Variants in FBLN2 observed in about 807,000 individuals in gnomAD.
FBLN2 encodes fibulin-2.
A neutral mutation model predicts 123.7 loss-of-function variants in FBLN2; 81 were observed. The ratio of observed to expected loss-of-function variants is 0.65; its 90% CI spans 0.55 to 0.79. FBLN2 has a LOEUF of 0.79. Ranked by LOEUF, FBLN2 falls within the 30% of genes least tolerant of loss-of-function variation. The probability of loss-of-function intolerance (pLI) is 0.00; values close to 1 mark genes in which losing one functional copy is unlikely to be tolerated. For synonymous variants in FBLN2, 699 were observed against 701.4 expected (o/e 1.00, Z 0.05); for missense variants, 1,603 against 1,681.3 (o/e 0.95, Z 0.81).
Position 13,580,645 on chromosome 3 carries a change from G to A in FBLN2, c.1306+8984G>A, listed in dbSNP as rs537943994. On this transcript the variant is annotated intron_variant, in intron 2 of 17. Coordinates refer to ENST00000404922, the MANE Select transcript of FBLN2 (RefSeq NM_001004019.2). ...GCGTAGCTCTCCACCCACCTCGTCTGATGGTTCCCCAGTGAGTCTCACTGG... is the reference window on the plus strand; with the variant it reads ...GCGTAGCTCTCCACCCACCTCGTCTAATGGTTCCCCAGTGAGTCTCACTGG... Among the ~76,000 whole-genome samples the A allele has an allele frequency of 3.9e-5, 6 of 152,274 alleles. No homozygotes were observed. In the South Asian group the frequency reaches 1.0e-3, roughly 26 times the overall value.
At chr3:13,602,918 T>C (rs1216549585) in intron 2 of FBLN2, among the ~76,000 whole-genome samples, 2 of 151,560 alleles carry the variant, frequency 1.3e-5, no homozygotes, top group African/African-American at 2.4e-5. Context: ...TTCTTTCTTT[T>C]TTTTTTTCCC....
At chr3:13,576,899 A>G (rs891615483) in intron 2 of FBLN2, among the ~76,000 whole-genome samples, 19 of 152,208 alleles carry the variant, frequency 1.2e-4, no homozygotes, top group African/African-American at 4.6e-4. Context: ...CATGGGAATT[A>G]TCTGCTGTAA....
In FBLN2 at chr3:13,630,817, T is replaced by C; in HGVS notation, c.3085+2T>C. The C allele has an allele frequency of 6.3e-7, 1 of 1,591,648 alleles. No homozygotes were observed. The highest frequency in any genetic ancestry group is 2.3e-5 in the East Asian group (1 of 43,880). ...CTGAGGATGGGCACACCTGCACAGG[T>C]ACCTCTCCCCTGTCCAAGGGCCCCC... On this transcript the variant is annotated splice_donor_variant, in intron 15 of 17. Coordinates refer to ENST00000404922, the MANE Select transcript of FBLN2 (RefSeq NM_001004019.2). LOFTEE classifies it high-confidence loss of function.
In FBLN2 at chr3:13,633,954, AACACACACACACAC is replaced by A. The variant is rs56947028; in HGVS notation, c.3215-2463_3215-2450del. ...CCTTAGCAGATATAAACACACTGCA[AACACACACACACAC>A]ACACACACACACACACACACACACA... On this transcript the variant is annotated intron_variant, in intron 16 of 17. Transcript: ENST00000404922. Among the ~76,000 whole-genome samples the A allele has an allele frequency of 2.2e-3, 246 of 112,902 alleles. 5 individuals carry two copies. Among genetic ancestry groups the A allele is most frequent in the African/African-American group, 8.1e-3 (231 of 28,556 alleles). 74.1% of individuals were successfully genotyped at this position (112,902 alleles called of 152,430 possible). A position where few individuals can be genotyped will look rare whatever the true frequency, so the allele number is the denominator to read the frequency against.
Position 13,618,268 on chromosome 3 carries a change from G to T in FBLN2, c.1922G>T (p.Gly641Val). 2 of 1,613,858 alleles carry T rather than the reference G, an allele frequency of 1.2e-6. No homozygotes were observed. The highest frequency in any genetic ancestry group is 1.7e-6 in the Non-Finnish European group (2 of 1,179,902). ...CFPGFSLQDD[G>V]RTCRPEGHPP... ...CCTGGCTTCTCACTGCAGGACGATG[G>T]CCGCACTTGCCGCCCAGGTAAGGGC... Residue 641 changes from glycine to valine, a missense_variant, in exon 6 of 18, where the codon GGC becomes GTC. By Grantham distance (109) the Gly-to-Val change is moderately radical. Transcript: ENST00000404922.
In FBLN2 at chr3:13,629,033, G is replaced by T. The variant is rs906192559; in HGVS notation, c.2698G>T (p.Gly900Trp). ...CARGYHASDD[G>W]TKCVDVNECE... ...GCGCGGCTACCACGCCAGCGATGAT[G>T]GGACCAAGTGTGTGGGTAAGGCCAG... The change falls in exon 12 of 18, where the codon GGG (glycine) becomes TGG (tryptophan). Residue 900 changes from glycine (G) to tryptophan (W), a missense_variant. Coordinates refer to ENST00000404922, the MANE Select transcript of FBLN2 (RefSeq NM_001004019.2). 20 of 1,613,214 alleles carry T rather than the reference G, an allele frequency of 1.2e-5. No individual in the cohort carries two copies. Among genetic ancestry groups the T allele is most frequent in the African/African-American group, 2.7e-5 (2 of 74,914 alleles).
intron 2 of FBLN2, among the ~76,000 whole-genome samples, chr3:13,590,344 G>A (rs1331550873): frequency 4.0e-5 from 6 of 151,624 alleles, no homozygotes; most frequent in East Asian, 1.9e-4. Flanking sequence ...TTTATTTATC[G>A]AGACAGAGTC....
intron 9 of FBLN2, 34 bp from the exon 10 acceptor site, chr3:13,626,411 T>C (rs1308888672): frequency 2.6e-6 from 4 of 1,539,092 alleles, no homozygotes. Context: ...TCCTGGGGAC[T>C]CTGCAGCCTC....
At chr3:13,563,284 T>A (rs1397328573) in intron 1 of FBLN2, among the ~76,000 whole-genome samples, 1 of 152,224 alleles carries the variant, frequency 6.6e-6, no homozygotes, top group Non-Finnish European at 1.5e-5. Flanking sequence ...GTCTCTCACC[T>A]GGAGGTGCAC....
At chr3:13,561,444 T>C (rs770844809) in intron 1 of FBLN2, among the ~76,000 whole-genome samples, 2 of 149,840 alleles carry the variant, frequency 1.3e-5, no homozygotes, top group Non-Finnish European at 3.0e-5. Context: ...ACCTCTATCA[T>C]TTTTCTTTGT....
chr3:13,571,972 G>T (rs1406485536), intron 2 of FBLN2, among the ~76,000 whole-genome samples: 1 of 152,216 alleles, frequency 6.6e-6, no homozygotes. Flanking sequence ...GGGGCCCTGA[G>T]GAGGGTTCCT....
chr3:13,598,344 G>A (rs1160390267), intron 2 of FBLN2, among the ~76,000 whole-genome samples: 1 of 152,208 alleles, frequency 6.6e-6, no homozygotes, highest in South Asian at 2.1e-4. Context: ...GGAAATGGAG[G>A]CTCAGAAGCC....
intron 1 of FBLN2, among the ~76,000 whole-genome samples, chr3:13,555,494 G>A (rs1703437978): frequency 2.0e-5 from 3 of 150,862 alleles, no homozygotes; most frequent in Admixed American, 2.0e-4. Flanking sequence ...TCGCTATGTT[G>A]CCCAGGCTGA....
chr3:13,561,216 G>A (rs1292837855), intron 1 of FBLN2, among the ~76,000 whole-genome samples: 1 of 152,136 alleles, frequency 6.6e-6, no homozygotes, highest in Non-Finnish European at 1.5e-5. Flanking sequence ...CTTTATGACT[G>A]GAATCTGTCC....
At chr3:13,599,905 G>A (rs75627118) in intron 2 of FBLN2, among the ~76,000 whole-genome samples, 64 of 150,818 alleles carry the variant, frequency 4.2e-4, no homozygotes, top group African/African-American at 1.4e-3. Flanking sequence ...AGAGGAAGGT[G>A]GCATTGGAAG....
intron 2 of FBLN2, among the ~76,000 whole-genome samples, chr3:13,581,405 G>C (rs966582645): frequency 1.3e-5 from 2 of 152,132 alleles, no homozygotes; most frequent in Admixed American, 6.5e-5. Flanking sequence ...GGTCAGGTGT[G>C]GGTTTGGGGA....
chr3:13,590,986 G>GT (rs982332916), intron 2 of FBLN2, among the ~76,000 whole-genome samples: 41 of 152,320 alleles, frequency 2.7e-4, no homozygotes, highest in African/African-American at 9.6e-4. Context: ...CTGCCAAATG[G>GT]TTTTCCAAAG....
rs73148644 is a variant in FBLN2, at chr3:13,582,886, G to A, written c.1306+11225G>A. 4.0e-3 allele frequency among the ~76,000 whole-genome samples: 607 copies of A among 152,370 alleles called. 5 individuals carry two copies. Among genetic ancestry groups the A allele is most frequent in the African/African-American group, 0.014 (580 of 41,588 alleles). Reference sequence around the variant, plus strand: ...CTTGTTTCTTCAAACAGATGTAGATGTGTATCTTCTGGTGGCCAGAAGTTG... The same window carrying A: ...CTTGTTTCTTCAAACAGATGTAGATATGTATCTTCTGGTGGCCAGAAGTTG... On this transcript the variant is annotated intron_variant, in intron 2 of 17. Transcript: ENST00000404922.
chr3:13,604,549 T>A (rs1418600738), intron 2 of FBLN2, among the ~76,000 whole-genome samples: 1 of 152,234 alleles, frequency 6.6e-6, no homozygotes, highest in Non-Finnish European at 1.5e-5. Flanking sequence ...GTTGTAGATG[T>A]GTGGTATTAT....
Sources: gnomAD v4.1 joint callset for allele counts (sites outside exome capture counted in the v4.1 genomes callset) on GRCh38, gnomAD v4.1.1 for gene constraint, MANE v1.5 for transcripts, NCBI Gene and HGNC (gene_info 2026-07-23, HGNC 2026-07-21) for gene names.